HECTD2: variants seen among roughly 807,000 people sequenced by gnomAD.
HECTD2 encodes the protein probable E3 ubiquitin-protein ligase HECTD2.
HECTD2 carries 35 observed loss-of-function variants against 103.2 expected under a neutral mutation model. The ratio of observed to expected loss-of-function variants is 0.34; its 90% CI spans 0.26 to 0.45. HECTD2 has a LOEUF of 0.45. Ranked by LOEUF, HECTD2 falls within the 20% of genes least tolerant of loss-of-function variation. HECTD2 has a pLI of 1.00. For synonymous variants in HECTD2, 281 were observed against 329.9 expected, an observed-to-expected ratio of 0.85 and a Z score of 1.61; for missense variants, 596 against 937.4, an observed-to-expected ratio of 0.64 and a Z score of 4.76.
intron 2 of HECTD2, among the ~76,000 whole-genome samples, chr10:91,450,018 GA>G (rs1459974149): frequency 2.6e-5 from 4 of 152,102 alleles, no homozygotes; most frequent in African/African-American, 9.7e-5. Context: ...CACAGAATTA[GA>G]AAAAACTACT....
chr10:91,431,243 A>C (rs913420398), intron 2 of HECTD2, among the ~76,000 whole-genome samples: 10 of 151,974 alleles, frequency 6.6e-5, no homozygotes, highest in East Asian at 3.9e-4. Flanking sequence ...TTCTGCCGAG[A>C]GATCTGCTGT....
chr10:91,497,235 C>G (rs1417467638), intron 15 of HECTD2, among the ~76,000 whole-genome samples: 1 of 148,576 alleles, frequency 6.7e-6, no homozygotes, highest in Non-Finnish European at 1.5e-5. Flanking sequence ...CTCAGCCTCC[C>G]AAAGTGCTGG....
chr10:91,411,272 C>A (rs1408475280), intron 1 of HECTD2, among the ~76,000 whole-genome samples: 5 of 151,928 alleles, frequency 3.3e-5, no homozygotes, highest in African/African-American at 1.2e-4. Flanking sequence ...CTACATATTG[C>A]CAGATGATGT....
intron 20 of HECTD2, among the ~76,000 whole-genome samples, chr10:91,504,087 TAACA>T: frequency 6.6e-6 from 1 of 151,942 alleles, no homozygotes; most frequent in African/African-American, 2.4e-5. Flanking sequence ...GAAGGAAAAC[TAACA>T]AACAGAAAGG....
At chr10:91,431,894 TC>T (rs1843895265) in intron 2 of HECTD2, among the ~76,000 whole-genome samples, 1 of 152,108 alleles carries the variant, frequency 6.6e-6, no homozygotes, top group African/African-American at 2.4e-5. Flanking sequence ...AAAGTCATTC[TC>T]CGTCCAGCTT....
At chr10:91,440,326 T>A (rs893379486) in intron 2 of HECTD2, among the ~76,000 whole-genome samples, 1 of 152,204 alleles carries the variant, frequency 6.6e-6, no homozygotes, top group African/African-American at 2.4e-5. Flanking sequence ...CGGTAGTTAT[T>A]GAGAAAATTG....
chr10:91,410,319 C>A, upstream of HECTD2: 2 of 438,344 alleles, frequency 4.6e-6, no homozygotes, highest in Non-Finnish European at 6.3e-6. Flanking sequence ...GTGGCGGCGG[C>A]AGCGGCGGCT....
intron 20 of HECTD2, among the ~76,000 whole-genome samples, chr10:91,507,311 A>G (rs1482997106): frequency 7.9e-5 from 12 of 151,620 alleles, no homozygotes; most frequent in African/African-American, 2.7e-4. Flanking sequence ...AGGGTATTCA[A>G]TTAGGAAAAG....
At chr10:91,409,909 G>C (rs747724786), upstream of HECTD2, among the ~76,000 whole-genome samples, 31 of 152,302 alleles carry the variant, frequency 2.0e-4, no homozygotes, top group Non-Finnish European at 3.8e-4. Context: ...GGCCGTCCGT[G>C]AAGGGTAGTC....
chr10:91,410,520 G>T lies in HECTD2; in HGVS notation c.82G>T (p.Glu28Ter). Residue 28 changes from glutamate to a stop codon, truncating the protein, a stop_gained, in exon 1 of 21, where the codon GAG (glutamate) becomes TAG (stop). Coordinates refer to ENST00000298068, the MANE Select transcript of HECTD2 (RefSeq NM_182765.6). LOFTEE classifies it high-confidence loss of function. Reference sequence around the variant, plus strand: ...CGCGCCTGAGGAGAGGAAAGGGAAGGAGTCAGAGCGCGAGAAGCTGCCGCC... The same window carrying T: ...CGCGCCTGAGGAGAGGAAAGGGAAGTAGTCAGAGCGCGAGAAGCTGCCGCC... ...APAPEERKGK[E>*]SEREKLPPIV... The T allele has an allele frequency of 6.8e-7, 1 of 1,479,958 alleles. No homozygotes were observed. Among genetic ancestry groups the T allele is most frequent in the South Asian group, 1.3e-5 (1 of 77,850 alleles). The allele number at this position is 1,479,958 out of a possible 1,614,324, so 91.7% of individuals were successfully genotyped here. A position where few individuals can be genotyped will look rare whatever the true frequency, so the allele number is the denominator to read the frequency against.
chr10:91,438,643 G>T (rs1057348644), intron 2 of HECTD2, among the ~76,000 whole-genome samples: 5 of 152,104 alleles, frequency 3.3e-5, no homozygotes, highest in Non-Finnish European at 7.4e-5. Flanking sequence ...GATCCTTGAG[G>T]AATCGCCACA....
intron 2 of HECTD2, among the ~76,000 whole-genome samples, chr10:91,437,619 C>CTTTTTTTTTTTTTTTTTTGGGTTTTT (rs1844176801): frequency 1.1e-5 from 1 of 87,426 alleles, no homozygotes; most frequent in Non-Finnish European, 2.7e-5. Context: ...GATGGTTGTT[C>CTTTTTTTTTTTTTTTTTTGGGTTTTT]TTTTTTTTTT....
chr10:91,437,797 A>C (rs1449874150), intron 2 of HECTD2, among the ~76,000 whole-genome samples: 6 of 151,896 alleles, frequency 4.0e-5, no homozygotes, highest in Admixed American at 2.0e-4. Context: ...TCTAGGTCAC[A>C]CTATTAGAGA....
intron 6 of HECTD2, among the ~76,000 whole-genome samples, chr10:91,480,783 A>G (rs1432544027): frequency 6.6e-6 from 1 of 152,086 alleles, no homozygotes; most frequent in Admixed American, 6.5e-5. Flanking sequence ...TATTAAAACA[A>G]AAACATAAGT....
intron 2 of HECTD2, among the ~76,000 whole-genome samples, chr10:91,444,815 A>T (rs1227010528): frequency 6.6e-6 from 1 of 152,208 alleles, no homozygotes; most frequent in Non-Finnish European, 1.5e-5. Flanking sequence ...ACAGAATATC[A>T]TAATACAGTG....
At chr10:91,420,527 G>T (rs1041431560) in intron 1 of HECTD2, among the ~76,000 whole-genome samples, 14 of 151,480 alleles carry the variant, frequency 9.2e-5, no homozygotes, top group Admixed American at 9.2e-4. Flanking sequence ...GGCAGAGGTT[G>T]CAGTGAGCCG....
chr10:91,431,522 A>C (rs1019742437), intron 2 of HECTD2, among the ~76,000 whole-genome samples: 2 of 152,196 alleles, frequency 1.3e-5, no homozygotes, highest in Admixed American at 6.5e-5. Flanking sequence ...TACACCAATC[A>C]GACGCAGATT....
Position 91,454,647 on chromosome 10 carries a change from G to A in HECTD2, c.269-5780G>A, listed in dbSNP as rs534057663. 9.9e-5 allele frequency among the ~76,000 whole-genome samples: 15 copies of A among 151,958 alleles called. No homozygotes were observed. The South Asian group carries it at 3.1e-3, about 32-fold the overall frequency. ...AGGTTTGTTACATATGTATACATGT[G>A]CCATGTTGGTGTGCTGCACCCATTA... On this transcript the variant is annotated intron_variant, in intron 2 of 20. Coordinates refer to ENST00000298068, the MANE Select transcript of HECTD2 (RefSeq NM_182765.6).
At chr10:91,483,128 T>C in intron 8 of HECTD2, 52 bp downstream of exon 8, 2 of 741,514 alleles carry the variant, frequency 2.7e-6, no homozygotes, top group Non-Finnish European at 2.3e-6. Flanking sequence ...GTTTTAAGTT[T>C]GGTATTAGTA....
Sources: allele counts gnomAD v4.1 joint callset (sites outside exome capture counted in the v4.1 genomes callset), GRCh38; gene constraint gnomAD v4.1.1; transcripts MANE v1.5; gene names NCBI Gene and HGNC (gene_info 2026-07-23, HGNC 2026-07-21).